The following GTF3C3 variants were observed in gnomAD, a reference collection of about 807,000 sequenced individuals.
GTF3C3 encodes the protein general transcription factor 3C polypeptide 3.
Under a neutral mutation model 105.2 loss-of-function variants are expected in GTF3C3, and 75 were observed. The ratio of observed to expected loss-of-function variants is 0.71; its 90% confidence interval spans 0.59 to 0.86. GTF3C3 has a LOEUF of 0.86. Ranked by LOEUF, GTF3C3 falls within the 40% of genes least tolerant of loss-of-function variation. The pLI is 0.00. For missense variants in GTF3C3, 856 were observed against 1,076.5 expected (o/e 0.80, Z 2.87); for synonymous variants, 335 against 370.4 (o/e 0.90, Z 1.10).
Position 196,784,912 on chromosome 2 carries a change from A to T in GTF3C3, c.1059T>A (p.Ser353=). 6.2e-7 allele frequency: 1 copy of T among 1,605,616 alleles called. No individual in the cohort carries two copies. Residue 353 remains serine (S), a synonymous_variant, in exon 8 of 18, where the codon TCT becomes TCA. Transcript: ENST00000263956. ...AAGTTTTTTTTTCCAGCACAATTCC[A>T]GAAAAATCTGTAATTATCTAAAAGA... The part of the protein sequence containing the change: ...DKALEIITDF[S]GIVLEKKTSE...
intron 16 of GTF3C3, among the ~76,000 whole-genome samples, chr2:196,767,452 ATAAT>A (rs1281915886): frequency 2.6e-5 from 4 of 152,344 alleles, no homozygotes; most frequent in African/African-American, 7.2e-5. Flanking sequence ...ATATTACCAG[ATAAT>A]TAAGAATAAA....
At position 196,763,260 on chromosome 2, in the gene GTF3C3, C is replaced by CTTAT. The variant is rs1576010783; in HGVS notation, c.*1299_*1302dup. Reference sequence around the variant, plus strand: ...CTGGTTTTTTTTTCCCTTAGGGAGACTTATTTCCTCCACGGCTATTTAGTA... The same window carrying CTTAT: ...CTGGTTTTTTTTTCCCTTAGGGAGACTTATTTATTTCCTCCACGGCTATTTAGTA... On this transcript the variant is annotated 3_prime_UTR_variant, in exon 18 of 18. Coordinates refer to ENST00000263956, the MANE Select transcript of GTF3C3 (RefSeq NM_012086.5). The CTTAT allele has an allele frequency of 1.3e-5, 2 of 151,962 alleles. No individual in the cohort carries two copies. The highest frequency in any genetic ancestry group is 3.9e-4 in the East Asian group (2 of 5,178). 9.4% of individuals were successfully genotyped at this position (151,962 alleles called of 1,614,324 possible).
chr2:196,783,393 A>C (rs928448681), intron 8 of GTF3C3, among the ~76,000 whole-genome samples: 3 of 152,160 alleles, frequency 2.0e-5, no homozygotes, highest in Non-Finnish European at 4.4e-5. Flanking sequence ...CAAAGGACAG[A>C]TTTTCAACAC....
chr2:196,785,404 T>TAA (rs1220114705), intron 7 of GTF3C3, 37 bp downstream of exon 7: 2 of 1,293,970 alleles, frequency 1.5e-6, no homozygotes, highest in African/African-American at 2.0e-5. Flanking sequence ...CAGAAACACA[T>TAA]GCAAAACTTA....
At chr2:196,768,473 A>C (rs959548356) in intron 16 of GTF3C3, among the ~76,000 whole-genome samples, 1 of 152,226 alleles carries the variant, frequency 6.6e-6, no homozygotes, top group African/African-American at 2.4e-5. Context: ...TGACGATTTT[A>C]CTTTTAATAC....
At chr2:196,781,983 T>A (rs1438758004) in intron 8 of GTF3C3, among the ~76,000 whole-genome samples, 1 of 152,254 alleles carries the variant, frequency 6.6e-6, no homozygotes, top group African/African-American at 2.4e-5. Context: ...TCTGATTCTA[T>A]CTTTATCATG....
rs578154563 is a variant in GTF3C3 at position 196,785,152 on chromosome 2, C to G, written c.1042-223G>C. Among the ~76,000 whole-genome samples the G allele has an allele frequency of 1.8e-4, 28 of 152,256 alleles. No individual in the cohort carries two copies. In the South Asian group the frequency reaches 5.0e-3, roughly 27 times the overall value. ...AACTTCTTTATATCAAACCAACCTACTTTCCCCCAACCAGCTTAAGAACTA... is the reference window on the plus strand; with the variant it reads ...AACTTCTTTATATCAAACCAACCTAGTTTCCCCCAACCAGCTTAAGAACTA... On this transcript the variant is annotated intron_variant, in intron 7 of 17. Coordinates refer to ENST00000263956, the MANE Select transcript of GTF3C3 (RefSeq NM_012086.5).
Position 196,784,861 on chromosome 2 carries a change from A to G in GTF3C3, c.1110T>C (p.Asn370=). 1.2e-6 allele frequency: 2 copies of G among 1,610,170 alleles called. No individual in the cohort carries two copies. Among genetic ancestry groups the G allele is most frequent in the Non-Finnish European group, 1.7e-6 (2 of 1,178,178 alleles). ...CTAAGCAGAGGAAACTACAACCTTT[A>G]TTCTCTTCTGAGGTGCCTTCTTCTG... ...KTSEEGTSEE[N]KAPENVTCTI... is the part of the protein sequence containing the mutation. Residue 370 remains asparagine (N), a synonymous_variant, in exon 8 of 18, where the codon AAT becomes AAC. Transcript: ENST00000263956.
intron 8 of GTF3C3, 94 bp downstream of exon 8, chr2:196,784,763 C>T (rs541299803): frequency 5.6e-6 from 8 of 1,415,956 alleles, no homozygotes; most frequent in Non-Finnish European, 7.5e-6. Context: ...TAACTATCAA[C>T]TCACCACAGT....
At chr2:196,771,267 G>T (rs575176784) in intron 15 of GTF3C3, among the ~76,000 whole-genome samples, 1 of 152,110 alleles carries the variant, frequency 6.6e-6, no homozygotes, top group South Asian at 2.1e-4. Context: ...TATAGATTTA[G>T]CTCCTGAAGG....
Position 196,770,001 on chromosome 2 carries a change from G to A in GTF3C3, c.2299C>T (p.Pro767Ser). The A allele has an allele frequency of 6.3e-7, 1 of 1,579,268 alleles. No individual in the cohort carries two copies. Among genetic ancestry groups the A allele is most frequent in the Non-Finnish European group, 8.6e-7 (1 of 1,167,932 alleles). ...AGGCCTATACAGAAGCTATAGAGAG[G>A]TTCGTCAGGGTGAGTGCGAAAGGCT... is the stretch of plus-strand genomic sequence containing the variant. ...VQAFRTHPDEPLYSFCIGLTF... is the reference protein window; with the variant it reads ...VQAFRTHPDESLYSFCIGLTF... The change falls in exon 16 of 18, where the codon CCT becomes TCT. Residue 767 changes from proline (P) to serine (S), a missense_variant. Transcript: ENST00000263956.
rs1699450709 is a variant in GTF3C3 at position 196,786,236 on chromosome 2, T to C, written c.894-648A>G. 6.6e-6 allele frequency among the ~76,000 whole-genome samples: 1 copy of C among 152,110 alleles called. No individual in the cohort carries two copies. Among genetic ancestry groups the C allele is most frequent in the East Asian group, 1.9e-4 (1 of 5,186 alleles). On this transcript the variant is annotated intron_variant, in intron 6 of 17. Coordinates refer to ENST00000263956, the MANE Select transcript of GTF3C3 (RefSeq NM_012086.5). The surrounding 1 kb of genome is among the most constrained non-coding windows in gnomAD (Gnocchi z 4.2). ...ACTGGCTATCTTGTAAAAACGCATA[T>C]TCGGATCCAGTAGAGCTGGGGCAGG...
chr2:196,766,445 A>T (rs1465680058), intron 17 of GTF3C3, 120 bp downstream of exon 17: 7 of 724,874 alleles, frequency 9.7e-6, no homozygotes, highest in Non-Finnish European at 1.6e-5. Context: ...ACGTAAACAT[A>T]CTGAATAAGA....
In GTF3C3 at chr2:196,769,963, A is replaced by G. The variant is rs1290435127; in HGVS notation, c.2337T>C (p.His779=). ...YSFCIGLTFI[H]MASQKYVLRR... is the part of the protein sequence containing the mutation. ...GTAACACATACTTCTGAGATGCCATATGAATAAAGGTTAGGCCTATACAGA... is the reference window on the plus strand; with the variant it reads ...GTAACACATACTTCTGAGATGCCATGTGAATAAAGGTTAGGCCTATACAGA... Residue 779 remains histidine, a synonymous_variant, in exon 16 of 18, where the codon CAT becomes CAC. Transcript: ENST00000263956. 6 of 1,605,440 alleles carry G rather than the reference A, an allele frequency of 3.7e-6. No individual in the cohort carries two copies. Among genetic ancestry groups the G allele is most frequent in the African/African-American group, 1.3e-5 (1 of 74,226 alleles).
chr2:196,780,713 G>GT, intron 8 of GTF3C3, 51 bp from the exon 9 acceptor site: 1 of 1,568,702 alleles, frequency 6.4e-7, no homozygotes, highest in South Asian at 1.2e-5. Context: ...CTTGAGATGT[G>GT]TATCTTCTAT....
At chr2:196,783,390 C>A (rs1389218223) in intron 8 of GTF3C3, among the ~76,000 whole-genome samples, 1 of 152,108 alleles carries the variant, frequency 6.6e-6, no homozygotes, top group Admixed American at 6.5e-5. Flanking sequence ...AAACAAAGGA[C>A]AGATTTTCAA....
intron 3 of GTF3C3, chr2:196,791,869 G>A (rs760984912): frequency 3.2e-4 from 50 of 157,878 alleles, no homozygotes; most frequent in Non-Finnish European, 5.9e-4. Flanking sequence ...CCTGGGAGGC[G>A]GAGGTTACAG....
At chr2:196,784,741 T>C (rs1237384469) in intron 8 of GTF3C3, 116 bp downstream of exon 8, 4 of 1,241,796 alleles carry the variant, frequency 3.2e-6, no homozygotes, top group Non-Finnish European at 4.2e-6. Context: ...GGAAAACTTA[T>C]TATGAGAACA....
intron 2 of GTF3C3, among the ~76,000 whole-genome samples, chr2:196,794,030 T>A (rs1699596678): frequency 6.6e-6 from 1 of 152,118 alleles, no homozygotes; most frequent in Non-Finnish European, 1.5e-5. Context: ...AGGGACTGGG[T>A]CATGGGGCTG....
Sources: allele counts gnomAD v4.1 joint callset (sites outside exome capture counted in the v4.1 genomes callset), GRCh38; gene constraint gnomAD v4.1.1; non-coding constraint Gnocchi (gnomAD v3.1); transcripts MANE v1.5; gene names NCBI Gene and HGNC (gene_info 2026-07-23, HGNC 2026-07-21).